Variants in CYS1 observed in about 807,000 individuals in gnomAD.
CYS1 encodes cystin 1.
A neutral mutation model predicts 9.6 loss-of-function variants in CYS1; 5 were observed. The observed-to-expected ratio is 0.52, with a 90% CI of 0.27 to 1.10. The LOEUF (loss-of-function observed/expected upper bound fraction) is 1.10. Ranked by LOEUF, CYS1 falls within the 50% of genes least tolerant of loss-of-function variation. The pLI, the probability that CYS1 is intolerant of heterozygous loss-of-function variation, is 0.11. For synonymous variants in CYS1, 88 were observed against 95.7 expected, an observed-to-expected ratio of 0.92 and a Z score of 0.47; for missense variants, 221 against 207.9, an observed-to-expected ratio of 1.06 and a Z score of -0.39.
intron 1 of CYS1, 95 bp downstream of exon 1, chr2:10,079,811 C>T (rs1268593632): frequency 3.8e-5 from 30 of 796,070 alleles, no homozygotes; most frequent in Admixed American, 1.7e-4. Context: ...TGGAAGGGGG[C>T]GCAGCGCGAC....
At chr2:10,068,175 C>T (rs1445068360) in intron 1 of CYS1, among the ~76,000 whole-genome samples, 1 of 152,104 alleles carries the variant, frequency 6.6e-6, no homozygotes, top group Non-Finnish European at 1.5e-5. Flanking sequence ...TCCAGATGTC[C>T]TATTTGGTTC....
chr2:10,074,720 A>C (rs753736158), intron 1 of CYS1, among the ~76,000 whole-genome samples: 2 of 152,218 alleles, frequency 1.3e-5, no homozygotes, highest in African/African-American at 4.8e-5. Flanking sequence ...TCAACCTCTT[A>C]GCTTGGAATC....
chr2:10,065,507 G>A (rs1276591336), intron 2 of CYS1, among the ~76,000 whole-genome samples: 1 of 152,244 alleles, frequency 6.6e-6, no homozygotes, highest in Non-Finnish European at 1.5e-5. Flanking sequence ...GTAACGTGCT[G>A]TGGAGCTGCA....
intron 1 of CYS1, among the ~76,000 whole-genome samples, chr2:10,075,022 G>A (rs914544411): frequency 1.3e-5 from 2 of 152,184 alleles, no homozygotes; most frequent in Non-Finnish European, 2.9e-5. Context: ...TGAGACAGGA[G>A]AATTGCTGGA....
chr2:10,071,491 G>A (rs187297697), intron 1 of CYS1, among the ~76,000 whole-genome samples: 92 of 152,378 alleles, frequency 6.0e-4, no homozygotes, highest in Non-Finnish European at 9.8e-4. Flanking sequence ...GTGCGTGAAC[G>A]GCCCCCCAGA....
chr2:10,065,764 C>T (rs1440724085), intron 2 of CYS1, 140 bp downstream of exon 2: 1 of 783,410 alleles, frequency 1.3e-6, no homozygotes, highest in Non-Finnish European at 2.2e-6. Flanking sequence ...AGGGCTAGGG[C>T]TTTGCATTTA....
At chr2:10,060,900 T>A (rs1467018649) in intron 2 of CYS1, among the ~76,000 whole-genome samples, 1 of 152,222 alleles carries the variant, frequency 6.6e-6, no homozygotes, top group Non-Finnish European at 1.5e-5. Flanking sequence ...AAGGAAGCAC[T>A]CAACAGAAGT....
intron 2 of CYS1, among the ~76,000 whole-genome samples, chr2:10,065,653 T>C (rs936369029): frequency 6.6e-6 from 1 of 152,236 alleles, no homozygotes; most frequent in Non-Finnish European, 1.5e-5. Context: ...GGGTTGGGCA[T>C]GCCCTGGTCT....
intron 2 of CYS1, among the ~76,000 whole-genome samples, chr2:10,064,023 G>A (rs1367716958): frequency 2.6e-5 from 4 of 152,304 alleles, no homozygotes; most frequent in South Asian, 2.1e-4. Context: ...AGGAGTTTGA[G>A]ACCAGCCTGG....
intron 2 of CYS1, among the ~76,000 whole-genome samples, chr2:10,059,822 C>T (rs1237026156): frequency 6.6e-6 from 1 of 152,274 alleles, no homozygotes; most frequent in Admixed American, 6.5e-5. Context: ...TTCAGGATCC[C>T]GCCAGTCCCT....
intron 1 of CYS1, among the ~76,000 whole-genome samples, chr2:10,070,491 G>A (rs1661752943): frequency 6.6e-6 from 1 of 151,986 alleles, no homozygotes; most frequent in South Asian, 2.1e-4. Context: ...GATTACAGAT[G>A]TATGCCACCA....
intron 2 of CYS1, 79 bp downstream of exon 2, chr2:10,065,825 C>G (rs917815876): frequency 6.4e-6 from 9 of 1,417,036 alleles, no homozygotes; most frequent in Non-Finnish European, 5.0e-6. Flanking sequence ...AAGTGGGGGA[C>G]AGGAGGGCTC....
intron 2 of CYS1, among the ~76,000 whole-genome samples, chr2:10,062,263 A>C (rs1661638124): frequency 6.6e-6 from 1 of 152,224 alleles, no homozygotes; most frequent in Non-Finnish European, 1.5e-5. Flanking sequence ...TTTCCAAGGA[A>C]AATCACTCCA....
At chr2:10,069,619 AG>A (rs1326161465) in intron 1 of CYS1, among the ~76,000 whole-genome samples, 1 of 152,170 alleles carries the variant, frequency 6.6e-6, no homozygotes, top group Non-Finnish European at 1.5e-5. Flanking sequence ...CACCTGCCTC[AG>A]CCTCCCAAGA....
chr2:10,079,825 C>T, intron 1 of CYS1, 81 bp downstream of exon 1: 1 of 909,262 alleles, frequency 1.1e-6, no homozygotes, highest in Non-Finnish European at 1.4e-6. Flanking sequence ...GCGCGACCGG[C>T]GCCCAGGGCT....
In CYS1 at chr2:10,063,020, T is replaced by C. The variant is rs7603381; in HGVS notation, c.371+2884A>G. Among the ~76,000 whole-genome samples, 3,954 of 152,318 alleles carry C rather than the reference T, an allele frequency of 0.026. 173 individuals are homozygous for C. Among genetic ancestry groups the C allele is most frequent in the African/African-American group, 0.087 (3,605 of 41,560 alleles). On this transcript the variant is annotated intron_variant, in intron 2 of 2. Transcript: ENST00000381813. This position sits in a 1 kb window ranked among gnomAD's most constrained non-coding sequence, Gnocchi z 4.2. ...GCCAAAAGCTCAGGGAAGCAGCGACTTCCTCCCGCATGGCTGCTTCCCTCT... is the reference window on the plus strand; with the variant it reads ...GCCAAAAGCTCAGGGAAGCAGCGACCTCCTCCCGCATGGCTGCTTCCCTCT...
At chr2:10,062,833 G>A (rs1661645721) in intron 2 of CYS1, among the ~76,000 whole-genome samples, 3 of 152,224 alleles carry the variant, frequency 2.0e-5, no homozygotes, top group Non-Finnish European at 2.9e-5. Context: ...CTGGCCCAAG[G>A]CCTGGCTTAC....
At chr2:10,065,136 C>A (rs753132407) in intron 2 of CYS1, among the ~76,000 whole-genome samples, 11 of 152,194 alleles carry the variant, frequency 7.2e-5, no homozygotes, top group Non-Finnish European at 1.3e-4. Context: ...GGCCTCAGAC[C>A]CGGCCCCTGC....
At chr2:10,070,712 A>G (rs540979420) in intron 1 of CYS1, among the ~76,000 whole-genome samples, 139 of 150,608 alleles carry the variant, frequency 9.2e-4, no homozygotes, top group Middle Eastern at 3.5e-3. Flanking sequence ...TGGCCTGATC[A>G]TAGCTCGCTG....
Sources: gnomAD v4.1 joint callset for allele counts (sites outside exome capture counted in the v4.1 genomes callset) on GRCh38, gnomAD v4.1.1 for gene constraint, Gnocchi (gnomAD v3.1) non-coding constraint, MANE v1.5 for transcripts, NCBI Gene and HGNC (gene_info 2026-07-23, HGNC 2026-07-21) for gene names.